Variants in MYO18B observed in about 807,000 individuals in gnomAD.
The protein encoded by MYO18B is unconventional myosin-XVIIIb.
In MYO18B, 204 loss-of-function variants were observed where a neutral mutation model predicts 273.0. The ratio of observed to expected loss-of-function variants is 0.75; its 90% CI spans 0.67 to 0.84. The LOEUF (loss-of-function observed/expected upper bound fraction) is 0.84, where lower values mean the gene tolerates loss of function less well. Among genes scored for constraint, MYO18B ranks in the 40% least tolerant of loss-of-function variants. The pLI, the probability that MYO18B is intolerant of heterozygous loss-of-function variation, is 0.00. For missense variants in MYO18B, 3,212 were observed against 3,287.6 expected, an observed-to-expected ratio of 0.98 and a Z score of 0.56; for synonymous variants, 1,330 against 1,305.7, an observed-to-expected ratio of 1.02 and a Z score of -0.40.
chr22:25,850,257 T>G (rs2859412), intron 20 of MYO18B, among the ~76,000 whole-genome samples: 121,843 of 151,878 alleles, frequency 0.8, 49,087 homozygotes, highest in East Asian at 0.88. Flanking sequence ...GGGTCTTTTT[T>G]AAGCAGTTGA....
intron 3 of MYO18B, among the ~76,000 whole-genome samples, chr22:25,767,105 T>C (rs2086533055): frequency 6.6e-6 from 1 of 152,180 alleles, no homozygotes; most frequent in Admixed American, 6.5e-5. Flanking sequence ...GGGCTGGTGG[T>C]GAAGCGAGAC....
intron 3 of MYO18B, among the ~76,000 whole-genome samples, chr22:25,764,961 T>C (rs1420699556): frequency 6.6e-6 from 1 of 152,200 alleles, no homozygotes; most frequent in African/African-American, 2.4e-5. Flanking sequence ...CTGTGTGTTC[T>C]CTGCTCTCAC....
chr22:26,017,967 GTTTTTT>G (rs869143722), intron 42 of MYO18B, among the ~76,000 whole-genome samples: 1 of 9,782 alleles, frequency 1.0e-4, no homozygotes, highest in Non-Finnish European at 2.0e-4. Context: ...TTACTGTTTT[GTTTTTT>G]TTTTTTTTTT....
At chr22:26,054,371 C>G in the MYO18B span, among the ~76,000 whole-genome samples, 1 of 152,100 alleles carries the variant, frequency 6.6e-6, no homozygotes, top group Non-Finnish European at 1.5e-5. Context: ...GTTTCCCTGC[C>G]GAGAAAATCT....
At chr22:25,763,181 C>A in intron 2 of MYO18B, 50 bp from the exon 3 acceptor site, 1 of 1,609,762 alleles carries the variant, frequency 6.2e-7, no homozygotes, top group Non-Finnish European at 8.5e-7. Context: ...GCAGCTTGCT[C>A]CTGCTGGTTG....
intron 38 of MYO18B, among the ~76,000 whole-genome samples, chr22:25,952,902 C>T (rs940243749): frequency 3.9e-5 from 6 of 152,204 alleles, no homozygotes; most frequent in Non-Finnish European, 8.8e-5. Flanking sequence ...GCACAGAAGA[C>T]AGATGTATGA....
At chr22:25,835,482 G>C (rs776399160) in intron 17 of MYO18B, 39 bp downstream of exon 17, 15 of 1,611,354 alleles carry the variant, frequency 9.3e-6, no homozygotes, top group African/African-American at 1.3e-5. Flanking sequence ...CCTGAGTCCA[G>C]CCTGGGTATT....
chr22:25,783,048 A>G (rs564931354), intron 10 of MYO18B, among the ~76,000 whole-genome samples: 88 of 152,314 alleles, frequency 5.8e-4, no homozygotes, highest in African/African-American at 1.9e-3. Flanking sequence ...ACTGTATCCC[A>G]GTGTTGTGGT....
chr22:25,807,351 T>C (rs2088525222), intron 12 of MYO18B, among the ~76,000 whole-genome samples: 1 of 152,236 alleles, frequency 6.6e-6, no homozygotes, highest in South Asian at 2.1e-4. Flanking sequence ...ATTCCAGCAC[T>C]GGCTGGCTTT....
chr22:25,788,843 C>T (rs899973567), intron 11 of MYO18B, among the ~76,000 whole-genome samples: 1 of 152,150 alleles, frequency 6.6e-6, no homozygotes, highest in Non-Finnish European at 1.5e-5. Flanking sequence ...TAGTGATGTT[C>T]GAATCCCAGT....
intron 22 of MYO18B, 62 bp from the exon 23 acceptor site, chr22:25,874,224 C>CCT: frequency 6.5e-7 from 1 of 1,541,636 alleles, no homozygotes; most frequent in South Asian, 1.1e-5. Flanking sequence ...TTTGCAAGCA[C>CCT]CCCCCCATTG....
chr22:25,845,385 C>T (rs745787124), intron 18 of MYO18B, among the ~76,000 whole-genome samples: 4 of 152,112 alleles, frequency 2.6e-5, no homozygotes, highest in Admixed American at 1.3e-4. Flanking sequence ...GGCCTGGTGG[C>T]GTGTGCCTAT....
At chr22:25,800,028 T>C (rs1394283215) in intron 12 of MYO18B, among the ~76,000 whole-genome samples, 1 of 151,900 alleles carries the variant, frequency 6.6e-6, no homozygotes, top group African/African-American at 2.4e-5. Context: ...GATGAAATAA[T>C]GTCTTTTGCA....
At chr22:25,881,605 G>C (rs897764405) in intron 25 of MYO18B, among the ~76,000 whole-genome samples, 2 of 152,140 alleles carry the variant, frequency 1.3e-5, no homozygotes, top group Non-Finnish European at 2.9e-5. Context: ...GCCATGCATC[G>C]GCTGTTGGGG....
chr22:25,947,762 G>T lies in MYO18B; in HGVS notation c.5682G>T (p.Lys1894Asn). 1 of 1,613,862 alleles carries T rather than the reference G, an allele frequency of 6.2e-7. No homozygotes were observed. The highest frequency in any genetic ancestry group is 8.5e-7 in the Non-Finnish European group (1 of 1,179,886). The change falls in exon 36 of 44, where the codon AAG (lysine) becomes AAT (asparagine). Residue 1894 changes from lysine to asparagine, a missense_variant. Physicochemically the swap from Lys to Asn is moderately conservative, Grantham distance 94. Transcript: ENST00000335473. ...AGTTTGAGAAGGCGGACCTCCTGAAGCGCATCGATGAGGACCAGGATGACC... is the reference window on the plus strand; with the variant it reads ...AGTTTGAGAAGGCGGACCTCCTGAATCGCATCGATGAGGACCAGGATGACC... ...RLQFEKADLL[K>N]RIDEDQDDLN...
intron 11 of MYO18B, among the ~76,000 whole-genome samples, chr22:25,792,610 T>G (rs2145728933): frequency 6.8e-6 from 1 of 147,648 alleles, no homozygotes; most frequent in East Asian, 2.1e-4. Flanking sequence ...TTCGCCTGCC[T>G]TAGCCTCCCT....
intron 12 of MYO18B, among the ~76,000 whole-genome samples, chr22:25,798,376 C>T (rs935540362): frequency 6.6e-6 from 1 of 152,162 alleles, no homozygotes; most frequent in African/African-American, 2.4e-5. Context: ...CAGGCTGCTA[C>T]TGAACACTTA....
intron 21 of MYO18B, among the ~76,000 whole-genome samples, chr22:25,858,051 T>A (rs1305261210): frequency 1.3e-5 from 2 of 152,272 alleles, no homozygotes; most frequent in Non-Finnish European, 2.9e-5. Flanking sequence ...TTTTGGATAG[T>A]TTCTGCCTTT....
intron 3 of MYO18B, among the ~76,000 whole-genome samples, chr22:25,763,723 C>T (rs1244602864): frequency 6.6e-6 from 1 of 152,228 alleles, no homozygotes; most frequent in Non-Finnish European, 1.5e-5. Context: ...TGATTTCTCT[C>T]ATTCAATTCT....
Sources: gnomAD v4.1 joint callset for allele counts (sites outside exome capture counted in the v4.1 genomes callset) on GRCh38, gnomAD v4.1.1 for gene constraint, MANE v1.5 for transcripts, NCBI Gene and HGNC (gene_info 2026-07-23, HGNC 2026-07-21) for gene names.